TAS2R1: variants seen among roughly 807,000 people sequenced by gnomAD.
TAS2R1 encodes the protein taste 2 receptor member 1, also known as taste receptor type 2 member 1.
For missense variants in TAS2R1, 370 were observed against 353.4 expected, an observed-to-expected ratio of 1.05 and a Z score of -0.38; for synonymous variants, 141 against 134.2, an observed-to-expected ratio of 1.05 and a Z score of -0.35.
the TAS2R1 span, among the ~76,000 whole-genome samples, chr5:9,877,323 C>T: frequency 6.6e-6 from 1 of 151,868 alleles, no homozygotes; most frequent in Non-Finnish European, 1.5e-5. Context: ...CTCCTTCTTC[C>T]TTTCCAGAAA....
the TAS2R1 span, among the ~76,000 whole-genome samples, chr5:9,870,803 G>C: frequency 6.6e-6 from 1 of 152,144 alleles, no homozygotes; most frequent in Non-Finnish European, 1.5e-5. Flanking sequence ...ATATGGATAG[G>C]ATGAATGAGA....
At chr5:9,732,329 C>T in the TAS2R1 span, among the ~76,000 whole-genome samples, 15,567 of 152,162 alleles carry the variant, frequency 0.1, 1,007 homozygotes, top group Middle Eastern at 0.15. Context: ...AGATGTGCAG[C>T]GACCAGCAGA....
chr5:9,842,860 C>G, the TAS2R1 span, among the ~76,000 whole-genome samples: 1 of 152,022 alleles, frequency 6.6e-6, no homozygotes, highest in African/African-American at 2.4e-5. Context: ...CTCTTCTGTA[C>G]TTTTGATAGC....
chr5:9,749,274 A>G, the TAS2R1 span, among the ~76,000 whole-genome samples: 55 of 152,322 alleles, frequency 3.6e-4, no homozygotes, highest in East Asian at 6.4e-3. Context: ...TCAAAGTTGG[A>G]GAATGGCCTA....
At chr5:9,656,452 G>A (rs548036636) in intron 2 of TAS2R1, among the ~76,000 whole-genome samples, 3 of 152,320 alleles carry the variant, frequency 2.0e-5, no homozygotes, top group South Asian at 2.1e-4. Flanking sequence ...CAGGGCAGCC[G>A]ATGGGATAAG....
At chr5:9,690,625 A>C (rs1488711796) in intron 1 of TAS2R1, among the ~76,000 whole-genome samples, 2 of 152,038 alleles carry the variant, frequency 1.3e-5, no homozygotes, top group African/African-American at 2.4e-5. Context: ...GGGGGAAAAA[A>C]GTGTGACTTA....
chr5:9,677,887 CT>C (rs1457557987), intron 1 of TAS2R1, among the ~76,000 whole-genome samples: 6 of 152,068 alleles, frequency 3.9e-5, no homozygotes, highest in Admixed American at 3.9e-4. Context: ...TCATAGCAAC[CT>C]TATTCATAAT....
intron 2 of TAS2R1, among the ~76,000 whole-genome samples, chr5:9,652,703 G>T (rs539959825): frequency 6.2e-4 from 95 of 152,070 alleles, no homozygotes; most frequent in African/African-American, 2.2e-3. Context: ...GAACTTTAAT[G>T]GTTTTTCAGA....
At chr5:9,793,691 C>A in the TAS2R1 span, among the ~76,000 whole-genome samples, 1 of 152,154 alleles carries the variant, frequency 6.6e-6, no homozygotes, top group African/African-American at 2.4e-5. Context: ...CCAGATGCAG[C>A]CCTGGGGTGC....
At chr5:9,637,673 T>C (rs1369116477) in intron 2 of TAS2R1, among the ~76,000 whole-genome samples, 1 of 152,138 alleles carries the variant, frequency 6.6e-6, no homozygotes, top group Non-Finnish European at 1.5e-5. Flanking sequence ...TTCAAAAACA[T>C]AGTCTTCAAG....
At chr5:9,833,877 C>T in the TAS2R1 span, among the ~76,000 whole-genome samples, 1 of 152,168 alleles carries the variant, frequency 6.6e-6, no homozygotes, top group African/African-American at 2.4e-5. Context: ...GCAAACCAGT[C>T]CTTTTATTAT....
rs144873416 is a variant in TAS2R1 at position 9,647,803 on chromosome 5, G to A, written c.-81+11618C>T. Among the ~76,000 whole-genome samples, 17 of 152,064 alleles carry A rather than the reference G, an allele frequency of 1.1e-4. No individual in the cohort carries two copies. In the East Asian group the frequency reaches 1.4e-3, roughly 12 times the overall value. ...CAAATCTGAATGTTGTCTTGTTATCGTTAAGTACATAATATGAATTTATTA... is the reference window on the plus strand; with the variant it reads ...CAAATCTGAATGTTGTCTTGTTATCATTAAGTACATAATATGAATTTATTA... On this transcript the variant is annotated intron_variant, in intron 2 of 2. Transcript: ENST00000506620.
chr5:9,823,348 T>C, the TAS2R1 span, among the ~76,000 whole-genome samples: 1 of 152,084 alleles, frequency 6.6e-6, no homozygotes, highest in Non-Finnish European at 1.5e-5. Flanking sequence ...ATTTTAATCC[T>C]ACAGATATGC....
the TAS2R1 span, among the ~76,000 whole-genome samples, chr5:9,820,929 A>T: frequency 1.4e-4 from 22 of 152,276 alleles, no homozygotes; most frequent in African/African-American, 5.3e-4. Context: ...TCCTGCCATC[A>T]TCAGCCTATA....
the TAS2R1 span, among the ~76,000 whole-genome samples, chr5:9,834,101 C>A: frequency 6.6e-6 from 1 of 152,286 alleles, no homozygotes; most frequent in South Asian, 2.1e-4. Context: ...CCAGGCCCTA[C>A]CTGGAAGAGC....
At chr5:9,736,560 A>G in the TAS2R1 span, among the ~76,000 whole-genome samples, 1 of 152,332 alleles carries the variant, frequency 6.6e-6, no homozygotes. Flanking sequence ...CCAGTTGGCC[A>G]CGGTGGTAAA....
At chr5:9,773,178 CAT>C in the TAS2R1 span, among the ~76,000 whole-genome samples, 3 of 151,422 alleles carry the variant, frequency 2.0e-5, no homozygotes, top group Non-Finnish European at 3.0e-5. Context: ...GTGTATCTGT[CAT>C]ATGTTTTTTG....
At chr5:9,875,248 C>T in the TAS2R1 span, among the ~76,000 whole-genome samples, 7 of 152,154 alleles carry the variant, frequency 4.6e-5, no homozygotes, top group African/African-American at 1.7e-4. Context: ...GGGGAGTGGT[C>T]GGGAATGTGG....
chr5:9,756,958 A>C, the TAS2R1 span, among the ~76,000 whole-genome samples: 2 of 152,222 alleles, frequency 1.3e-5, no homozygotes, highest in African/African-American at 4.8e-5. Context: ...TTTCTTCAAC[A>C]ATCAAGGACA....
Sources: allele counts gnomAD v4.1 joint callset (sites outside exome capture counted in the v4.1 genomes callset), GRCh38; gene constraint gnomAD v4.1.1; transcripts MANE v1.5; gene names NCBI Gene and HGNC (gene_info 2026-07-23, HGNC 2026-07-21).